SLC39A10: variants seen among roughly 807,000 people sequenced by gnomAD.
SLC39A10 encodes solute carrier family 39 member 10.
Under a neutral mutation model 65.1 loss-of-function variants are expected in SLC39A10, and 13 were observed. The ratio of observed to expected loss-of-function variants is 0.20; its 90% CI spans 0.13 to 0.32. The LOEUF is 0.32. Among genes scored for constraint, SLC39A10 ranks in the 10% least tolerant of loss-of-function variants. The pLI is 1.00. For synonymous variants in SLC39A10, 321 were observed against 342.2 expected (o/e 0.94, Z 0.68); for missense variants, 831 against 1,018.4 (o/e 0.82, Z 2.50).
intron 2 of SLC39A10, among the ~76,000 whole-genome samples, chr2:195,623,834 C>T (rs1305971739): frequency 6.6e-6 from 1 of 151,136 alleles, no homozygotes; most frequent in East Asian, 1.9e-4. Context: ...AAAAATATTC[C>T]ATCCAAGTAA....
intron 8 of SLC39A10, among the ~76,000 whole-genome samples, chr2:195,719,312 C>G (rs1691931080): frequency 1.3e-5 from 2 of 152,092 alleles, no homozygotes; most frequent in Admixed American, 1.3e-4. Context: ...TTAAAACTCT[C>G]CATCCCGATT....
chr2:195,648,902 G>C (rs778199566), intron 2 of SLC39A10, among the ~76,000 whole-genome samples: 1 of 152,020 alleles, frequency 6.6e-6, no homozygotes, highest in African/African-American at 2.4e-5. Flanking sequence ...AAATAATACC[G>C]CTTCATGTGG....
intron 7 of SLC39A10, 22 bp from the exon 8 acceptor site, chr2:195,718,229 GT>G: frequency 2.5e-6 from 4 of 1,589,236 alleles, no homozygotes; most frequent in Non-Finnish European, 3.4e-6. Context: ...AACCTCACTT[GT>G]TTTTTTTCTT....
intron 2 of SLC39A10, among the ~76,000 whole-genome samples, chr2:195,646,418 C>G (rs1241962304): frequency 6.6e-6 from 1 of 152,206 alleles, no homozygotes; most frequent in African/African-American, 2.4e-5. Context: ...GCTGCTATAA[C>G]ACATTACCAC....
chr2:195,674,488 G>C, intron 1 of SLC39A10: 2 of 555,942 alleles, frequency 3.6e-6, no homozygotes, highest in Non-Finnish European at 4.6e-6. Context: ...TGTTGGTCAG[G>C]CTGGTCTTGA....
In SLC39A10 at chr2:195,735,820, T is replaced by C. The variant is rs998240845; in HGVS notation, c.*779T>C. On this transcript the variant is annotated 3_prime_UTR_variant, in exon 10 of 10. Transcript: ENST00000359634. The stretch of plus-strand genomic sequence containing the variant: ...TTTTGTTTTGATTTTTTTTTTTTTT[T>C]TTTGGCGGGGGTAGGTGAGGGTTTG... 2 of 151,676 alleles carry C rather than the reference T, an allele frequency of 1.3e-5. No homozygotes were observed. Among genetic ancestry groups the C allele is most frequent in the Admixed American group, 6.6e-5 (1 of 15,194 alleles). 9.4% of individuals were successfully genotyped at this position (151,676 alleles called of 1,614,324 possible).
intron 2 of SLC39A10, among the ~76,000 whole-genome samples, chr2:195,637,696 GT>G (rs1688720984): frequency 6.6e-6 from 1 of 152,196 alleles, no homozygotes; most frequent in Non-Finnish European, 1.5e-5. Flanking sequence ...GAGGATTCAG[GT>G]TTTAAACAAG....
chr2:195,669,764 G>A (rs1433368486), intron 1 of SLC39A10, among the ~76,000 whole-genome samples: 3 of 152,182 alleles, frequency 2.0e-5, no homozygotes, highest in African/African-American at 7.2e-5. Context: ...TTGGGAGGCT[G>A]AGGTGGGGAG....
rs149078159 is a variant in SLC39A10, at chr2:195,713,074, A to G, written c.1576-359A>G. Among the ~76,000 whole-genome samples the G allele has an allele frequency of 2.3e-3, 356 of 152,346 alleles. 2 individuals are homozygous for G. Among genetic ancestry groups the G allele is most frequent in the Non-Finnish European group, 3.0e-3 (203 of 68,030 alleles). On this transcript the variant is annotated intron_variant, in intron 5 of 9. Transcript: ENST00000359634. The stretch of plus-strand genomic sequence containing the variant: ...TTGCATTAAATGTGAATGAAATTCA[A>G]ACAAGCTTTAGTTTTTTGGAACTTT...
At chr2:195,654,591 C>G (rs1689109821), upstream of SLC39A10, among the ~76,000 whole-genome samples, 1 of 152,170 alleles carries the variant, frequency 6.6e-6, no homozygotes, top group Admixed American at 6.5e-5. Flanking sequence ...CAGTACCTCT[C>G]TTTCCCCCAG....
chr2:195,685,263 C>T (rs1690482029), intron 3 of SLC39A10, among the ~76,000 whole-genome samples: 4 of 152,060 alleles, frequency 2.6e-5, no homozygotes, highest in Non-Finnish European at 5.9e-5. Context: ...TAAGTTAGTT[C>T]TGGTATCACC....
In SLC39A10 at chr2:195,735,093, A is replaced by G; in HGVS notation, c.*52A>G. On this transcript the variant is annotated 3_prime_UTR_variant, in exon 10 of 10. Coordinates refer to ENST00000359634, the MANE Select transcript of SLC39A10 (RefSeq NM_020342.3). ...CGAGAATGTTACCATGCAGCTTTGC[A>G]TCTGTTCCTTGTACTGTATGCACAT... The G allele has an allele frequency of 3.8e-6, 6 of 1,569,624 alleles. No homozygotes were observed. The highest frequency in any genetic ancestry group is 5.2e-6 in the Non-Finnish European group (6 of 1,156,228).
intron 1 of SLC39A10, among the ~76,000 whole-genome samples, chr2:195,661,753 TTAGAA>T (rs1379648306): frequency 1.3e-5 from 2 of 152,172 alleles, no homozygotes; most frequent in Admixed American, 6.5e-5. Flanking sequence ...TTAAAAGATG[TTAGAA>T]TAGGATGCTA....
intron 2 of SLC39A10, among the ~76,000 whole-genome samples, chr2:195,631,377 G>A (rs1688582841): frequency 1.3e-5 from 2 of 151,878 alleles, no homozygotes; most frequent in South Asian, 2.1e-4. Flanking sequence ...ATTGTTAAAC[G>A]AAATTGTAAC....
At chr2:195,720,820 A>G (rs1049006734) in intron 8 of SLC39A10, among the ~76,000 whole-genome samples, 9 of 152,274 alleles carry the variant, frequency 5.9e-5, no homozygotes, top group South Asian at 4.1e-4. Context: ...CATAGTCTTT[A>G]TATCTCTGGT....
chr2:195,650,918 TAA>T (rs10534486), intron 2 of SLC39A10, among the ~76,000 whole-genome samples: 91,969 of 147,994 alleles, frequency 0.62, 29,073 homozygotes, highest in Non-Finnish European at 0.69. Context: ...GAAAGGAGTT[TAA>T]AAAAAAAAAA....
chr2:195,671,946 C>G (rs970947015), intron 1 of SLC39A10, among the ~76,000 whole-genome samples: 1 of 151,808 alleles, frequency 6.6e-6, no homozygotes, highest in African/African-American at 2.4e-5. Flanking sequence ...GCACTCAGAC[C>G]CGGAGCGGTC....
At chr2:195,674,540 G>A (rs1201621869) in intron 1 of SLC39A10, 1 of 974,078 alleles carries the variant, frequency 1.0e-6, no homozygotes, top group Non-Finnish European at 1.2e-6. Flanking sequence ...GCCTCCCAAA[G>A]TACTGGGATT....
chr2:195,683,660 G>C, intron 2 of SLC39A10, 39 bp from the exon 3 acceptor site: 1 of 1,510,452 alleles, frequency 6.6e-7, no homozygotes, highest in South Asian at 1.2e-5. Flanking sequence ...TCTCCTTAAA[G>C]ACACTCTTAT....
Sources: allele counts gnomAD v4.1 joint callset (sites outside exome capture counted in the v4.1 genomes callset), GRCh38; gene constraint gnomAD v4.1.1; transcripts MANE v1.5; gene names NCBI Gene and HGNC (gene_info 2026-07-23, HGNC 2026-07-21).